Variants in NBEA observed in about 807,000 individuals in gnomAD.
NBEA encodes lysosomal-trafficking regulator 2.
NBEA carries 44 observed loss-of-function variants against 343.4 expected under a neutral mutation model. That is an observed-to-expected ratio of 0.13 (90% CI 0.10 to 0.16). NBEA has a LOEUF of 0.16. Ranked by LOEUF, NBEA falls within the 10% of genes least tolerant of loss-of-function variation. NBEA has a pLI of 1.00. For missense variants in NBEA, 2,555 were observed against 3,631.3 expected (o/e 0.70, Z 7.62); for synonymous variants, 1,175 against 1,238.7 (o/e 0.95, Z 1.08).
intron 17 of NBEA, among the ~76,000 whole-genome samples, chr13:35,139,415 T>C (rs1441405431): frequency 6.6e-6 from 1 of 152,108 alleles, no homozygotes; most frequent in African/African-American, 2.4e-5. Flanking sequence ...AGAAAGAAAT[T>C]TAAATACATT....
intron 53 of NBEA, among the ~76,000 whole-genome samples, chr13:35,652,843 C>T (rs1490553957): frequency 4.0e-5 from 6 of 150,340 alleles, no homozygotes; most frequent in East Asian, 2.0e-4. Flanking sequence ...TACAGGCGCC[C>T]GCCACCGCGC....
intron 38 of NBEA, among the ~76,000 whole-genome samples, chr13:35,396,595 T>G (rs909326046): frequency 2.0e-5 from 3 of 152,114 alleles, no homozygotes; most frequent in Non-Finnish European, 2.9e-5. Context: ...TTAGTCACCT[T>G]GCGCCATTGC....
intron 48 of NBEA, among the ~76,000 whole-genome samples, chr13:35,619,739 C>T (rs1022319863): frequency 1.1e-4 from 17 of 152,320 alleles, no homozygotes; most frequent in Middle Eastern, 6.8e-3. Flanking sequence ...TCATCACTGT[C>T]AGGTGCAGCT....
intron 30 of NBEA, among the ~76,000 whole-genome samples, chr13:35,192,895 CAT>C (rs1313168049): frequency 2.0e-5 from 3 of 151,824 alleles, no homozygotes; most frequent in African/African-American, 4.8e-5. Flanking sequence ...GTTAATGTAA[CAT>C]GTCATATATA....
intron 38 of NBEA, among the ~76,000 whole-genome samples, chr13:35,406,151 C>G (rs1399497478): frequency 1.3e-5 from 2 of 152,122 alleles, no homozygotes; most frequent in African/African-American, 4.8e-5. Flanking sequence ...TCATTTCTCT[C>G]TTTTTACTCT....
intron 34 of NBEA, among the ~76,000 whole-genome samples, chr13:35,237,440 C>T (rs2075289865): frequency 6.6e-6 from 1 of 152,134 alleles, no homozygotes; most frequent in South Asian, 2.1e-4. Flanking sequence ...CTTACTCATT[C>T]TTTGTTCTTC....
chr13:35,203,922 A>G (rs1217384956), intron 31 of NBEA, among the ~76,000 whole-genome samples: 1 of 152,186 alleles, frequency 6.6e-6, no homozygotes, highest in Admixed American at 6.5e-5. Flanking sequence ...GAAGTTTGAA[A>G]TTGTGTGGAA....
At chr13:35,439,471 G>C (rs532718187) in intron 39 of NBEA, among the ~76,000 whole-genome samples, 8 of 152,250 alleles carry the variant, frequency 5.3e-5, no homozygotes, top group African/African-American at 1.9e-4. Context: ...AATTACCATG[G>C]CATGGAGACA....
chr13:35,426,951 A>C (rs1476038929), intron 38 of NBEA, among the ~76,000 whole-genome samples: 1 of 151,980 alleles, frequency 6.6e-6, no homozygotes, highest in Non-Finnish European at 1.5e-5. Context: ...TGCATTCGTC[A>C]CGTAGTTCTT....
chr13:35,299,859 C>T (rs1292324793), intron 35 of NBEA, among the ~76,000 whole-genome samples: 1 of 152,136 alleles, frequency 6.6e-6, no homozygotes, highest in Non-Finnish European at 1.5e-5. Context: ...TATCCCTTTG[C>T]ATGTGTTTTC....
chr13:35,593,059 A>G (rs928417101), intron 46 of NBEA: 8 of 319,340 alleles, frequency 2.5e-5, no homozygotes, highest in African/African-American at 1.7e-4. Flanking sequence ...ATTATTTATC[A>G]GAAAATCGTA....
At chr13:35,114,320 G>A (rs1032379465) in intron 13 of NBEA, among the ~76,000 whole-genome samples, 7 of 152,140 alleles carry the variant, frequency 4.6e-5, no homozygotes, top group South Asian at 2.1e-4. Context: ...TAAATTTGCC[G>A]CTTTCTTCTT....
intron 32 of NBEA, among the ~76,000 whole-genome samples, chr13:35,210,005 G>A (rs2073658349): frequency 6.6e-6 from 1 of 152,014 alleles, no homozygotes; most frequent in South Asian, 2.1e-4. Context: ...TCTAGAAATA[G>A]GAGTAAAACT....
chr13:35,470,901 T>G (rs895337343), intron 40 of NBEA, among the ~76,000 whole-genome samples: 1 of 152,168 alleles, frequency 6.6e-6, no homozygotes, highest in African/African-American at 2.4e-5. Flanking sequence ...TGATGATCCT[T>G]TAAAGTGGTG....
chr13:35,516,011 A>G (rs1165751606), intron 41 of NBEA, among the ~76,000 whole-genome samples: 1 of 152,218 alleles, frequency 6.6e-6, no homozygotes, highest in Non-Finnish European at 1.5e-5. Flanking sequence ...CTTTTGGGGC[A>G]TGAAATCCCT....
chr13:35,097,675 T>C (rs528831834), intron 10 of NBEA, among the ~76,000 whole-genome samples: 30 of 152,130 alleles, frequency 2.0e-4, no homozygotes, highest in African/African-American at 7.0e-4. Context: ...TGTCTGCTTT[T>C]ATGTATTTGT....
At chr13:35,265,069 AAT>A (rs2033557938) in intron 34 of NBEA, among the ~76,000 whole-genome samples, 2 of 151,954 alleles carry the variant, frequency 1.3e-5, no homozygotes, top group African/African-American at 4.8e-5. Context: ...ACAAAAAATC[AAT>A]AGTGTTTCTA....
chr13:35,641,533 T>C (rs576549443), intron 49 of NBEA, among the ~76,000 whole-genome samples: 1 of 152,170 alleles, frequency 6.6e-6, no homozygotes, highest in Non-Finnish European at 1.5e-5. Context: ...CAAGGTTGAA[T>C]CTTGCAGACA....
chr13:35,553,248 C>G (rs2153015323), intron 43 of NBEA, among the ~76,000 whole-genome samples: 1 of 152,200 alleles, frequency 6.6e-6, no homozygotes, highest in South Asian at 2.1e-4. Flanking sequence ...TAGTTTTGGT[C>G]TCTCTGTAAT....
Sources: gnomAD v4.1 joint callset for allele counts (sites outside exome capture counted in the v4.1 genomes callset) on GRCh38, gnomAD v4.1.1 for gene constraint, MANE v1.5 for transcripts, NCBI Gene and HGNC (gene_info 2026-07-23, HGNC 2026-07-21) for gene names.